Variants in PGBD5 observed in about 807,000 individuals in gnomAD.
PGBD5 encodes piggyBac transposable element-derived protein 5.
In PGBD5, 14 loss-of-function variants were observed where a neutral mutation model predicts 47.9. The ratio of observed to expected loss-of-function variants is 0.29; its 90% CI spans 0.19 to 0.46. The LOEUF is 0.46. Among genes scored for constraint, PGBD5 ranks in the 20% least tolerant of loss-of-function variants. The pLI is 1.00. For missense variants in PGBD5, 635 were observed against 716.0 expected (o/e 0.89, Z 1.29); for synonymous variants, 316 against 306.3 (o/e 1.03, Z -0.33).
In PGBD5 at chr1:230,350,991, G is replaced by A. The variant is rs139182569; in HGVS notation, c.861C>T (p.Val287=). Residue 287 remains valine, a synonymous_variant, in exon 3 of 7, where the codon GTC becomes GTT. Transcript: ENST00000391860. ...TGAAGCCAGTGGAAGAACATTGTCT[G>A]ACCCAGAGGCTGAATTTCCGCTTTT... ...KRKKRKFSLW[V]RQCSSTGFII... is the part of the protein sequence containing the mutation. 15 of 1,614,116 alleles carry A rather than the reference G, an allele frequency of 9.3e-6. No homozygotes were observed. Among genetic ancestry groups the A allele is most frequent in the Middle Eastern group, 1.7e-4 (1 of 6,058 alleles).
chr1:230,406,983 C>T (rs1657313723), intron 1 of PGBD5, among the ~76,000 whole-genome samples: 1 of 152,170 alleles, frequency 6.6e-6, no homozygotes, highest in Non-Finnish European at 1.5e-5. Flanking sequence ...TACAGGCGTG[C>T]ACCACCACAC....
At chr1:230,366,000 C>T (rs1477853459) in intron 1 of PGBD5, among the ~76,000 whole-genome samples, 5 of 152,204 alleles carry the variant, frequency 3.3e-5, no homozygotes, top group African/African-American at 4.8e-5. Context: ...GACAGCAGGG[C>T]GAATCCTGTA....
At chr1:230,333,101 T>A (rs973525141) in intron 4 of PGBD5, 60 bp from the exon 5 acceptor site, 40 of 1,518,348 alleles carry the variant, frequency 2.6e-5, no homozygotes, top group Non-Finnish European at 3.1e-5. Flanking sequence ...CGGCGGCTCC[T>A]CCGCCCTGGG....
At chr1:230,423,688 A>G (rs1657708613) in intron 1 of PGBD5, among the ~76,000 whole-genome samples, 1 of 152,178 alleles carries the variant, frequency 6.6e-6, no homozygotes, top group South Asian at 2.1e-4. Flanking sequence ...AGAAATTTGC[A>G]AAGAGGAAAT....
At chr1:230,349,534 CA>C (rs11446040) in intron 3 of PGBD5, among the ~76,000 whole-genome samples, 5,655 of 83,400 alleles carry the variant, frequency 0.068, 88 homozygotes, top group South Asian at 0.14. Flanking sequence ...GACCCCGTCT[CA>C]AAAAAAAAAA....
In PGBD5 at chr1:230,323,231, T is replaced by G. The variant is rs550503391; in HGVS notation, c.*194A>C. ...CACTGTTTCTCGAGGGAGGACATGC[T>G]CTTCTTGGAATGCAAATGAGGACAG... On this transcript the variant is annotated 3_prime_UTR_variant, in exon 7 of 7. Coordinates refer to ENST00000391860, the MANE Select transcript of PGBD5 (RefSeq NM_001258311.2). The surrounding 1 kb of genome is among the most constrained non-coding windows in gnomAD (Gnocchi z 4.1). 2 of 604,776 alleles carry G rather than the reference T, an allele frequency of 3.3e-6. No individual in the cohort carries two copies. Among genetic ancestry groups the G allele is most frequent in the Non-Finnish European group, 5.7e-6 (2 of 353,894 alleles). 37.5% of individuals were successfully genotyped at this position (604,776 alleles called of 1,614,324 possible).
intron 3 of PGBD5, among the ~76,000 whole-genome samples, chr1:230,347,622 G>A (rs185918073): frequency 2.6e-5 from 4 of 151,952 alleles, no homozygotes; most frequent in Non-Finnish European, 5.9e-5. Context: ...TGGGATTACA[G>A]GCATGCGCCA....
intron 1 of PGBD5, among the ~76,000 whole-genome samples, chr1:230,365,003 GAA>G (rs1259412272): frequency 7.3e-6 from 1 of 137,352 alleles, no homozygotes; most frequent in Admixed American, 7.6e-5. Flanking sequence ...CTGGGCGACA[GAA>G]AGAGACTCCA....
At position 230,323,749 on chromosome 1, in the gene PGBD5, A is replaced by G. The variant is rs78092885; in HGVS notation, c.1380-129T>C. The G allele has an allele frequency of 4.1e-3, 3,503 of 849,928 alleles. 69 individuals carry two copies. The East Asian group carries it at 0.057, about 14-fold the overall frequency. 52.6% of individuals were successfully genotyped at this position (849,928 alleles called of 1,614,324 possible). A position where few individuals can be genotyped will look rare whatever the true frequency, so the allele number is the denominator to read the frequency against. ...CGCCCCCGACAGAAGCAGGAGGGCT[A>G]TGGGGGCAGGAGTCAGGCTTGGGAT... On this transcript the variant is annotated intron_variant, in intron 6 of 6. Coordinates refer to ENST00000391860, the MANE Select transcript of PGBD5 (RefSeq NM_001258311.2). The surrounding 1 kb of genome is among the most constrained non-coding windows in gnomAD (Gnocchi z 4.1).
chr1:230,337,259 G>A lies in PGBD5; in HGVS notation c.924C>T (p.Gly308=). 2 of 1,613,212 alleles carry A rather than the reference G, an allele frequency of 1.2e-6. No individual in the cohort carries two copies. Among genetic ancestry groups the A allele is most frequent in the Non-Finnish European group, 1.7e-6 (2 of 1,179,844 alleles). Residue 308 remains glycine (G), a synonymous_variant, in exon 4 of 7, where the codon GGC becomes GGT. Coordinates refer to ENST00000391860, the MANE Select transcript of PGBD5 (RefSeq NM_001258311.2). ...TCTTCAGCGCATCCAGGCCATCTGGGCCCCCACCTTCCTTCAGGTGGACAT... is the reference window on the plus strand; with the variant it reads ...TCTTCAGCGCATCCAGGCCATCTGGACCCCCACCTTCCTTCAGGTGGACAT... ...QIYVHLKEGG[G]PDGLDALKNK...
intron 1 of PGBD5, among the ~76,000 whole-genome samples, chr1:230,396,488 G>C (rs753064024): frequency 2.4e-5 from 3 of 123,814 alleles, no homozygotes; most frequent in Non-Finnish European, 4.9e-5. Flanking sequence ...CCGCAGCCAG[G>C]GTCCTCCTCC....
intron 1 of PGBD5, among the ~76,000 whole-genome samples, chr1:230,411,196 T>C (rs1014160687): frequency 3.3e-5 from 5 of 152,112 alleles, no homozygotes; most frequent in Admixed American, 1.3e-4. Context: ...GGTGGGAGGA[T>C]TGCTTGGGCC....
intron 3 of PGBD5, among the ~76,000 whole-genome samples, chr1:230,337,659 T>C (rs1667348039): frequency 6.6e-6 from 1 of 152,248 alleles, no homozygotes; most frequent in Non-Finnish European, 1.5e-5. Context: ...ATTATCTGTG[T>C]ACTTTCCATT....
rs536446909 is a variant in PGBD5, at chr1:230,377,634, G to A, written c.332-20313C>T. 4.3e-5 allele frequency: 65 copies of A among 1,497,322 alleles called. No individual in the cohort carries two copies. In the East Asian group the frequency reaches 9.4e-4, roughly 22 times the overall value. The allele number at this position is 1,497,322 out of a possible 1,614,324, so 92.8% of individuals were successfully genotyped here. On this transcript the variant is annotated intron_variant, in intron 1 of 6. Coordinates refer to ENST00000391860, the MANE Select transcript of PGBD5 (RefSeq NM_001258311.2). ...TGTAGTCAGGCATATCTGACCTACC[G>A]AACAGGTGCCCTGGTCAAGGTACAT...
At chr1:230,327,989 G>A (rs1165746626) in intron 5 of PGBD5, among the ~76,000 whole-genome samples, 1 of 152,236 alleles carries the variant, frequency 6.6e-6, no homozygotes, top group Non-Finnish European at 1.5e-5. Context: ...CCACTTGGAT[G>A]TGAGCAGGTG....
chr1:230,404,625 A>T (rs1205726020), intron 1 of PGBD5, among the ~76,000 whole-genome samples: 157 of 126,008 alleles, frequency 1.2e-3, no homozygotes, highest in African/African-American at 3.2e-3. Context: ...AAAAAAAAAA[A>T]AAAAATATAT....
chr1:230,315,974 ATATG>A lies in PGBD5; in HGVS notation c.*7447_*7450del, dbSNP rs1197066785. 7.1e-6 allele frequency: 1 copy of A among 141,380 alleles called. No individual in the cohort carries two copies. The highest frequency in any genetic ancestry group is 2.7e-5 in the African/African-American group (1 of 36,534). 8.8% of individuals were successfully genotyped at this position (141,380 alleles called of 1,614,324 possible). A position where few individuals can be genotyped will look rare whatever the true frequency, so the allele number is the denominator to read the frequency against. On this transcript the variant is annotated 3_prime_UTR_variant, in exon 7 of 7. Transcript: ENST00000391860. ...CATACATAAGTATATGTGTACACAT[ATATG>A]TATGTGTATACATACATAAGTATAT...
At chr1:230,360,499 G>T (rs1361571402) in intron 1 of PGBD5, among the ~76,000 whole-genome samples, 3 of 152,142 alleles carry the variant, frequency 2.0e-5, no homozygotes, top group African/African-American at 4.8e-5. Flanking sequence ...ACCTCCATGG[G>T]AGGTGACTGT....
chr1:230,333,073 C>T (rs751673860), intron 4 of PGBD5, 32 bp from the exon 5 acceptor site: 5 of 1,560,946 alleles, frequency 3.2e-6, no homozygotes, highest in East Asian at 2.4e-5. Flanking sequence ...ATCGCACACT[C>T]ACCACCATCG....
Sources: gnomAD v4.1 joint callset for allele counts (sites outside exome capture counted in the v4.1 genomes callset) on GRCh38, gnomAD v4.1.1 for gene constraint, Gnocchi (gnomAD v3.1) non-coding constraint, MANE v1.5 for transcripts, NCBI Gene and HGNC (gene_info 2026-07-23, HGNC 2026-07-21) for gene names.